Variants in LGR5 observed in about 807,000 individuals in gnomAD.
The protein encoded by LGR5 is leucine rich repeat containing G protein-coupled receptor 5.
A neutral mutation model predicts 76.7 loss-of-function variants in LGR5; 54 were observed. The observed-to-expected ratio is 0.70, with a 90% confidence interval of 0.57 to 0.88. The LOEUF (loss-of-function observed/expected upper bound fraction) is 0.88. Ranked by LOEUF, LGR5 falls within the 40% of genes least tolerant of loss-of-function variation. LGR5 has a pLI of 0.00. For synonymous variants in LGR5, 406 were observed against 421.9 expected, an observed-to-expected ratio of 0.96 and a Z score of 0.46; for missense variants, 1,078 against 1,073.3, an observed-to-expected ratio of 1.00 and a Z score of -0.06.
chr12:71,520,530 C>T (rs573985493), intron 2 of LGR5, among the ~76,000 whole-genome samples: 67 of 152,102 alleles, frequency 4.4e-4, no homozygotes, highest in East Asian at 7.7e-4. Context: ...CAGAATACTA[C>T]GCAGCCATAA....
intron 2 of LGR5, among the ~76,000 whole-genome samples, chr12:71,518,266 T>C (rs1417646693): frequency 6.6e-6 from 1 of 152,046 alleles, no homozygotes; most frequent in African/African-American, 2.4e-5. Flanking sequence ...GCATTACTGA[T>C]CATTAGAGAA....
intron 4 of LGR5, among the ~76,000 whole-genome samples, chr12:71,538,557 A>C (rs773473750): frequency 2.1e-4 from 32 of 152,164 alleles, no homozygotes; most frequent in Admixed American, 3.3e-4. Flanking sequence ...AGTATTTCCT[A>C]AGTGAAAATT....
In LGR5 at chr12:71,583,936, T is replaced by C. The variant is rs1263909363; in HGVS notation, c.1926T>C (p.Phe642=). 6.2e-7 allele frequency: 1 copy of C among 1,614,078 alleles called. No individual in the cohort carries two copies. The highest frequency in any genetic ancestry group is 8.5e-7 in the Non-Finnish European group (1 of 1,180,044). ...ENGVGCHVIG[F]LSIFASESSV... ...GGGTTGGTTGCCATGTCATTGGTTTTTTGTCCATTTTTGCTTCAGAATCAT... is the reference window on the plus strand; with the variant it reads ...GGGTTGGTTGCCATGTCATTGGTTTCTTGTCCATTTTTGCTTCAGAATCAT... Residue 642 remains phenylalanine (F), a synonymous_variant, in exon 18 of 18, where the codon TTT becomes TTC. Transcript: ENST00000266674.
intron 13 of LGR5, among the ~76,000 whole-genome samples, chr12:71,576,130 C>T (rs2137466093): frequency 6.6e-6 from 1 of 152,258 alleles, no homozygotes; most frequent in Middle Eastern, 3.4e-3. Flanking sequence ...ATAGTTAATG[C>T]ATGCAGGGCT....
chr12:71,551,622 A>G (rs1199591096), intron 4 of LGR5, among the ~76,000 whole-genome samples: 1 of 152,196 alleles, frequency 6.6e-6, no homozygotes, highest in Non-Finnish European at 1.5e-5. Flanking sequence ...CATCTTACAG[A>G]ACATTGCAAA....
intron 1 of LGR5, among the ~76,000 whole-genome samples, chr12:71,501,995 T>C (rs1325190020): frequency 1.3e-5 from 2 of 152,160 alleles, no homozygotes; most frequent in African/African-American, 4.8e-5. Context: ...CTTAGATCAT[T>C]GCTATTAAAA....
At chr12:71,471,604 G>C (rs933744661) in intron 1 of LGR5, among the ~76,000 whole-genome samples, 3 of 151,642 alleles carry the variant, frequency 2.0e-5, no homozygotes, top group Admixed American at 6.6e-5. Flanking sequence ...TAGGTGAGTT[G>C]TATGGTATAT....
At chr12:71,572,699 T>C in intron 12 of LGR5, 151 bp from the exon 13 acceptor site, 1 of 596,862 alleles carries the variant, frequency 1.7e-6, no homozygotes, top group South Asian at 2.2e-5. Context: ...TAATGTTCTT[T>C]TTTAAACAAA....
chr12:71,511,865 C>A (rs1875172895), intron 2 of LGR5, among the ~76,000 whole-genome samples: 1 of 152,112 alleles, frequency 6.6e-6, no homozygotes, highest in African/African-American at 2.4e-5. Context: ...CTATATTCAG[C>A]CAGTTTTCAA....
chr12:71,492,988 A>C (rs1335595242), intron 1 of LGR5, among the ~76,000 whole-genome samples: 1 of 151,310 alleles, frequency 6.6e-6, no homozygotes, highest in East Asian at 1.9e-4. Context: ...TAATCAGGTC[A>C]CCAAGCTTTG....
intron 5 of LGR5, among the ~76,000 whole-genome samples, chr12:71,555,462 A>G (rs1487790999): frequency 6.6e-6 from 1 of 152,216 alleles, no homozygotes; most frequent in African/African-American, 2.4e-5. Flanking sequence ...CAAAGATGAT[A>G]ATTATATACA....
chr12:71,467,005 C>G (rs960195187), intron 1 of LGR5, among the ~76,000 whole-genome samples: 1 of 138,844 alleles, frequency 7.2e-6, no homozygotes, highest in African/African-American at 3.2e-5. Context: ...TAATGTGGAC[C>G]AGGTTTTTTT....
chr12:71,464,803 A>T lies in LGR5; in HGVS notation c.212+24511A>T, dbSNP rs147255152. The stretch of plus-strand genomic sequence containing the variant: ...CATTCAAAGTTGGCATGAGATTTTT[A>T]TGTTCAGAAAACAGGGGTGTAGGTT... On this transcript the variant is annotated intron_variant, in intron 1 of 17. Coordinates refer to ENST00000266674, the MANE Select transcript of LGR5 (RefSeq NM_003667.4). Among the ~76,000 whole-genome samples, 201 of 152,268 alleles carry T rather than the reference A, an allele frequency of 1.3e-3. 1 individual carries two copies. Among genetic ancestry groups the T allele is most frequent in the African/African-American group, 4.5e-3 (189 of 41,568 alleles).
intron 1 of LGR5, among the ~76,000 whole-genome samples, chr12:71,469,420 T>C (rs188462719): frequency 2.0e-5 from 3 of 152,232 alleles, no homozygotes; most frequent in African/African-American, 7.2e-5. Context: ...GATGAGTCAC[T>C]GTGTGCTGGG....
In LGR5 at chr12:71,586,211, T is replaced by C. The variant is rs115362900; in HGVS notation, c.*1477T>C. The C allele has an allele frequency of 6.7e-3, 1,013 of 152,278 alleles. 13 individuals are homozygous for C. Among genetic ancestry groups the C allele is most frequent in the African/African-American group, 0.022 (927 of 41,572 alleles). The allele number at this position is 152,278 out of a possible 1,614,324, so 9.4% of individuals were successfully genotyped here. A position where few individuals can be genotyped will look rare whatever the true frequency, so the allele number is the denominator to read the frequency against. On this transcript the variant is annotated 3_prime_UTR_variant, in exon 18 of 18. Transcript: ENST00000266674. ...CCATTTTCTTTAAATTCATTAACTG[T>C]ATATATGTAAATATATAGTACTTGT...
At chr12:71,529,358 G>A (rs747066316) in intron 3 of LGR5, among the ~76,000 whole-genome samples, 5 of 152,200 alleles carry the variant, frequency 3.3e-5, no homozygotes, top group South Asian at 2.1e-4. Flanking sequence ...GAGAGAGAGC[G>A]AGGGGGGATC....
chr12:71,512,503 C>T (rs1875208678), intron 2 of LGR5, among the ~76,000 whole-genome samples: 1 of 152,168 alleles, frequency 6.6e-6, no homozygotes. Flanking sequence ...CAGCGGTTGT[C>T]CCCAGAGATT....
chr12:71,464,822 G>T (rs1872801269), intron 1 of LGR5, among the ~76,000 whole-genome samples: 1 of 152,172 alleles, frequency 6.6e-6, no homozygotes, highest in Non-Finnish European at 1.5e-5. Context: ...AAACAGGGGT[G>T]TAGGTTAAAA....
At chr12:71,512,692 A>T (rs762303275) in intron 2 of LGR5, among the ~76,000 whole-genome samples, 1 of 152,220 alleles carries the variant, frequency 6.6e-6, no homozygotes. Context: ...GACTCTGAAT[A>T]GGGTTATGAA....
Sources: gnomAD v4.1 joint callset for allele counts (sites outside exome capture counted in the v4.1 genomes callset) on GRCh38, gnomAD v4.1.1 for gene constraint, MANE v1.5 for transcripts, NCBI Gene and HGNC (gene_info 2026-07-23, HGNC 2026-07-21) for gene names.